The following ZNF567 variants were observed in gnomAD, a reference collection of about 807,000 sequenced individuals.
ZNF567 encodes the protein zinc finger protein 567.
A neutral mutation model predicts 53.9 loss-of-function variants in ZNF567; 36 were observed. That is an observed-to-expected ratio of 0.67 (90% confidence interval 0.51 to 0.88). ZNF567 has a LOEUF of 0.88. Among genes scored for constraint, ZNF567 ranks in the 40% least tolerant of loss-of-function variants. ZNF567 has a pLI of 0.00. For synonymous variants in ZNF567, 224 were observed against 260.4 expected (o/e 0.86, Z 1.35); for missense variants, 619 against 764.7 (o/e 0.81, Z 2.25).
chr19:36,668,233 AC>A, the ZNF567 span: 5 of 152,482 alleles, frequency 3.3e-5, no homozygotes, highest in South Asian at 1.0e-3. Flanking sequence ...GGTGTGAGCC[AC>A]CGCGCTGGGT....
chr19:36,680,298 C>T, the ZNF567 span, among the ~76,000 whole-genome samples: 1 of 152,136 alleles, frequency 6.6e-6, no homozygotes, highest in Non-Finnish European at 1.5e-5. Context: ...AAAACAGAAT[C>T]GTCTAGAACA....
intron 3 of ZNF567, among the ~76,000 whole-genome samples, chr19:36,699,753 G>A (rs1419570610): frequency 6.6e-6 from 1 of 151,746 alleles, no homozygotes; most frequent in Non-Finnish European, 1.5e-5. Context: ...GAATGCTTGT[G>A]ATTTTTGTAC....
the ZNF567 span, among the ~76,000 whole-genome samples, chr19:36,667,752 C>T: frequency 6.6e-6 from 1 of 150,980 alleles, no homozygotes; most frequent in Non-Finnish European, 1.5e-5. Flanking sequence ...CGGGTTCACG[C>T]CATTCTCCTG....
chr19:36,677,439 A>G, the ZNF567 span, among the ~76,000 whole-genome samples: 11 of 132,740 alleles, frequency 8.3e-5, no homozygotes, highest in Non-Finnish European at 1.6e-4. Context: ...AGCCTGGGCA[A>G]CAGTGCGAGA....
chr19:36,680,239 C>T, the ZNF567 span, among the ~76,000 whole-genome samples: 2 of 152,098 alleles, frequency 1.3e-5, no homozygotes, highest in African/African-American at 4.8e-5. Context: ...CCCCTATGAG[C>T]ATCTCACGAT....
At chr19:36,688,819 A>C (rs1267036707) in intron 1 of ZNF567, among the ~76,000 whole-genome samples, 1 of 140,916 alleles carries the variant, frequency 7.1e-6, no homozygotes, top group Non-Finnish European at 1.5e-5. Context: ...AAAAAAAAAA[A>C]AGATTGGGCC....
rs375522240 is a variant in ZNF567 at position 36,720,443 on chromosome 19, G to A, written c.1719G>A (p.Lys573=). ...AGTGTGGGAAAGCCTTTAGCAGGAA[G>A]TCATATCTCATTCATCATCAAAGAA... ...CPQCGKAFSR[K]SYLIHHQRTH... The change falls in exon 6 of 6, where the codon AAG becomes AAA. Residue 573 remains lysine, a synonymous_variant. Transcript: ENST00000682579. 1 of 1,613,858 alleles carries A rather than the reference G, an allele frequency of 6.2e-7. No individual in the cohort carries two copies. The highest frequency in any genetic ancestry group is 8.5e-7 in the Non-Finnish European group (1 of 1,180,002).
At chr19:36,667,656 C>CTT in the ZNF567 span, among the ~76,000 whole-genome samples, 2 of 134,920 alleles carry the variant, frequency 1.5e-5, no homozygotes, top group African/African-American at 5.4e-5. Flanking sequence ...TTTTTTTTTT[C>CTT]TTTTTTTTTT....
At chr19:36,723,968 CTG>C (rs1393036675), downstream of ZNF567, among the ~76,000 whole-genome samples, 1 of 147,954 alleles carries the variant, frequency 6.8e-6, no homozygotes, top group Non-Finnish European at 1.5e-5. Flanking sequence ...TCTTATGAAA[CTG>C]TCTATGGCTG....
At chr19:36,704,585 T>G (rs956891181) in intron 3 of ZNF567, among the ~76,000 whole-genome samples, 2 of 152,122 alleles carry the variant, frequency 1.3e-5, no homozygotes, top group African/African-American at 4.8e-5. Flanking sequence ...TATAATACTT[T>G]TGTATATATT....
intron 5 of ZNF567, among the ~76,000 whole-genome samples, chr19:36,713,727 G>A (rs1451151308): frequency 1.3e-5 from 2 of 152,132 alleles, no homozygotes; most frequent in African/African-American, 4.8e-5. Context: ...CTGAGGTCAG[G>A]AGTTTGAAAC....
downstream of ZNF567, among the ~76,000 whole-genome samples, chr19:36,723,603 A>G (rs1029232034): frequency 1.1e-4 from 17 of 152,190 alleles, no homozygotes; most frequent in African/African-American, 3.9e-4. Context: ...TGGGAGGCCA[A>G]GGTGGGCAGA....
At chr19:36,684,476 G>C (rs554802732), upstream of ZNF567, among the ~76,000 whole-genome samples, 1 of 152,122 alleles carries the variant, frequency 6.6e-6, no homozygotes, top group Non-Finnish European at 1.5e-5. Context: ...TCTGGCTGAA[G>C]AGACCCAAAC....
In ZNF567 at chr19:36,720,104, G is replaced by A. The variant is rs2040244447; in HGVS notation, c.1380G>A (p.Gln460=). 6.2e-7 allele frequency: 1 copy of A among 1,614,074 alleles called. No individual in the cohort carries two copies. Among genetic ancestry groups the A allele is most frequent in the African/African-American group, 1.3e-5 (1 of 75,012 alleles). ...GTGAATGTGGAAAGTCCTTCCGCCA[G>A]AAGACAACCCTTGTAGCACATCAGA... ...ICSECGKSFR[Q]KTTLVAHQRT... The change falls in exon 6 of 6, where the codon CAG becomes CAA. Residue 460 remains glutamine (Q), a synonymous_variant. Transcript: ENST00000682579.
intron 3 of ZNF567, among the ~76,000 whole-genome samples, chr19:36,704,030 G>T (rs182463681): frequency 1.3e-5 from 2 of 152,226 alleles, no homozygotes; most frequent in Non-Finnish European, 1.5e-5. Context: ...CATCGCTCAC[G>T]CTGGGAGCTG....
At chr19:36,698,511 C>A (rs1463422948) in intron 3 of ZNF567, among the ~76,000 whole-genome samples, 1 of 148,766 alleles carries the variant, frequency 6.7e-6, no homozygotes, top group African/African-American at 2.5e-5. Context: ...CTGACTTCCA[C>A]AATGGTTGAA....
the ZNF567 span, among the ~76,000 whole-genome samples, chr19:36,670,175 G>C: frequency 6.6e-6 from 1 of 152,108 alleles, no homozygotes; most frequent in African/African-American, 2.4e-5. Context: ...GATGAATGGA[G>C]TTTTAGCTCA....
the ZNF567 span, chr19:36,668,427 G>A: frequency 6.6e-6 from 1 of 152,370 alleles, no homozygotes; most frequent in Non-Finnish European, 1.5e-5. Context: ...CACGTGCACA[G>A]GGATCTTGTG....
At chr19:36,676,759 T>C in the ZNF567 span, among the ~76,000 whole-genome samples, 1 of 152,174 alleles carries the variant, frequency 6.6e-6, no homozygotes, top group Non-Finnish European at 1.5e-5. Flanking sequence ...GGCTCGCGCT[T>C]GTAATCCCAG....
Sources: allele counts gnomAD v4.1 joint callset (sites outside exome capture counted in the v4.1 genomes callset), GRCh38; gene constraint gnomAD v4.1.1; transcripts MANE v1.5; gene names NCBI Gene and HGNC (gene_info 2026-07-23, HGNC 2026-07-21).